The following TBC1D22B variants were observed in gnomAD, a reference collection of about 807,000 sequenced individuals.
TBC1D22B encodes the protein chromosome 6 open reading frame 197.
TBC1D22B carries 32 observed loss-of-function variants against 69.1 expected under a neutral mutation model. The observed-to-expected ratio is 0.46, with a 90% CI of 0.35 to 0.62. The LOEUF (loss-of-function observed/expected upper bound fraction) is 0.62, where lower values mean the gene tolerates loss of function less well. Among genes scored for constraint, TBC1D22B ranks in the 20% least tolerant of loss-of-function variants. The pLI, the probability that TBC1D22B is intolerant of heterozygous loss-of-function variation, is 0.00. For synonymous variants in TBC1D22B, 206 were observed against 229.8 expected (o/e 0.90, Z 0.94); for missense variants, 462 against 630.9 (o/e 0.73, Z 2.87).
intron 8 of TBC1D22B, among the ~76,000 whole-genome samples, chr6:37,305,562 G>T (rs1045503085): frequency 6.7e-6 from 1 of 149,144 alleles, no homozygotes; most frequent in Non-Finnish European, 1.5e-5. Context: ...CTGTCCCCCA[G>T]GCTGGAGTGC....
chr6:37,317,119 A>C lies in TBC1D22B; in HGVS notation c.1302A>C (p.Pro434=). ...ATTTTTCTGCTTCCCAGTCTGAACC[A>C]GAAGGGTTCTCCCACTTTCATCTCT... ...IRLWDTYQSE[P]EGFSHFHLYV... is the part of the protein sequence containing the mutation. The change falls in exon 12 of 13, where the codon CCA becomes CCC. Residue 434 remains proline (P), a synonymous_variant. Coordinates refer to ENST00000373491, the MANE Select transcript of TBC1D22B (RefSeq NM_017772.4). 1 of 1,569,684 alleles carries C rather than the reference A, an allele frequency of 6.4e-7. No individual in the cohort carries two copies. Among genetic ancestry groups the C allele is most frequent in the African/African-American group, 1.3e-5 (1 of 74,182 alleles).
chr6:37,328,712 A>G (rs1485329977), intron 12 of TBC1D22B, among the ~76,000 whole-genome samples: 1 of 151,974 alleles, frequency 6.6e-6, no homozygotes, highest in Non-Finnish European at 1.5e-5. Flanking sequence ...TGGGTAATTT[A>G]TTTTCTGTTT....
intron 8 of TBC1D22B, among the ~76,000 whole-genome samples, chr6:37,296,828 AT>A (rs1767396138): frequency 1.8e-5 from 1 of 54,858 alleles, no homozygotes; most frequent in South Asian, 8.4e-4. Context: ...ATATATTATA[AT>A]TTTTTGGTTT....
rs1157281305 is a variant in TBC1D22B, at chr6:37,320,386, C to T, written c.1389+3180C>T. On this transcript the variant is annotated intron_variant, in intron 12 of 12. Coordinates refer to ENST00000373491, the MANE Select transcript of TBC1D22B (RefSeq NM_017772.4). ...GGGCAATAGTACCTACCTCCTTGGG[C>T]TATGATGAGAATAAAGAAACAAATA... Among the ~76,000 whole-genome samples the T allele has an allele frequency of 3.3e-5, 5 of 152,170 alleles. No homozygotes were observed. In the East Asian group the frequency reaches 7.7e-4, roughly 24 times the overall value.
chr6:37,292,498 A>G (rs1162054706), intron 8 of TBC1D22B, among the ~76,000 whole-genome samples: 1 of 152,086 alleles, frequency 6.6e-6, no homozygotes, highest in Non-Finnish European at 1.5e-5. Flanking sequence ...GCCTTAATAG[A>G]TCAACTTTTG....
At chr6:37,316,866 G>C in intron 11 of TBC1D22B, 36 bp downstream of exon 11, 1 of 1,613,092 alleles carries the variant, frequency 6.2e-7, no homozygotes, top group Non-Finnish European at 8.5e-7. Flanking sequence ...GTGCCAGGCT[G>C]TCTCTGAGGT....
intron 2 of TBC1D22B, among the ~76,000 whole-genome samples, chr6:37,269,871 A>G (rs959504710): frequency 2.0e-5 from 3 of 152,146 alleles, no homozygotes; most frequent in African/African-American, 7.2e-5. Flanking sequence ...GGGAACTGGT[A>G]TATGTAGGGT....
Position 37,317,093 on chromosome 6 carries a change from T to C in TBC1D22B, c.1294-18T>C, listed in dbSNP as rs553271265. ...TTGTCAGGGCTGGGAGACCTAACTCTATTTTTCTGCTTCCCAGTCTGAACC... is the reference window on the plus strand; with the variant it reads ...TTGTCAGGGCTGGGAGACCTAACTCCATTTTTCTGCTTCCCAGTCTGAACC... On this transcript the variant is annotated intron_variant, in intron 11 of 12. Coordinates refer to ENST00000373491, the MANE Select transcript of TBC1D22B (RefSeq NM_017772.4). 1.6e-5 allele frequency: 25 copies of C among 1,557,338 alleles called. No individual in the cohort carries two copies. The highest frequency in any genetic ancestry group is 2.2e-5 in the Non-Finnish European group (25 of 1,149,080).
At chr6:37,315,732 C>T (rs143857860) in intron 10 of TBC1D22B, among the ~76,000 whole-genome samples, 11 of 152,132 alleles carry the variant, frequency 7.2e-5, no homozygotes, top group African/African-American at 1.7e-4. Context: ...CGCACCATGA[C>T]GCCTGGCCAA....
intron 5 of TBC1D22B, among the ~76,000 whole-genome samples, chr6:37,283,717 A>G (rs1452451193): frequency 2.0e-5 from 3 of 152,246 alleles, no homozygotes; most frequent in African/African-American, 7.2e-5. Context: ...AACAGAAAAT[A>G]TAAGAATGAG....
chr6:37,328,589 AG>A (rs1347187210), intron 12 of TBC1D22B, among the ~76,000 whole-genome samples: 5 of 152,272 alleles, frequency 3.3e-5, no homozygotes, highest in African/African-American at 9.6e-5. Context: ...AATGTTGCAT[AG>A]ATTCAAAATT....
intron 12 of TBC1D22B, among the ~76,000 whole-genome samples, chr6:37,326,350 C>G (rs899980854): frequency 3.7e-5 from 5 of 135,936 alleles, no homozygotes; most frequent in Admixed American, 2.5e-4. Flanking sequence ...TGCACTCCAG[C>G]CTGGTGACAG....
chr6:37,298,703 G>A (rs1307046109), intron 8 of TBC1D22B, among the ~76,000 whole-genome samples: 1 of 151,864 alleles, frequency 6.6e-6, no homozygotes, highest in Non-Finnish European at 1.5e-5. Context: ...CCGCCACCAC[G>A]CACAGCTAAT....
chr6:37,311,197 A>G (rs1315611106), intron 8 of TBC1D22B, among the ~76,000 whole-genome samples: 4 of 142,956 alleles, frequency 2.8e-5, no homozygotes, highest in African/African-American at 2.6e-5. Flanking sequence ...TTTTTTTTTT[A>G]GGTCATTCCT....
At chr6:37,285,595 C>A (rs1331170870) in intron 6 of TBC1D22B, among the ~76,000 whole-genome samples, 1 of 152,070 alleles carries the variant, frequency 6.6e-6, no homozygotes, top group African/African-American at 2.4e-5. Flanking sequence ...TGGGTTCCAG[C>A]GATTCTCCTG....
In TBC1D22B at chr6:37,282,198, G is replaced by A; in HGVS notation, c.435G>A (p.Leu145=). The A allele has an allele frequency of 3.7e-6, 6 of 1,614,140 alleles. 1 individual carries two copies. In the South Asian group the frequency reaches 5.5e-5, roughly 15 times the overall value. Reference sequence around the variant, plus strand: ...AAATGATCTCAGGTGATACATGCCTGAGGAACCCACTCCACAAACAGCAAT... The same window carrying A: ...AAATGATCTCAGGTGATACATGCCTAAGGAACCCACTCCACAAACAGCAAT... ...QLSRNSSDTC[L]RNPLHKQQSL... The change falls in exon 4 of 13, where the codon CTG becomes CTA. Residue 145 remains leucine, a synonymous_variant. Transcript: ENST00000373491.
intron 8 of TBC1D22B, among the ~76,000 whole-genome samples, chr6:37,296,424 A>G (rs1028801719): frequency 6.6e-6 from 1 of 152,202 alleles, no homozygotes; most frequent in Non-Finnish European, 1.5e-5. Flanking sequence ...ATCATGGCTC[A>G]TTGTAGCCTC....
At position 37,277,073 on chromosome 6, in the gene TBC1D22B, G is replaced by A. The variant is rs1405111840; in HGVS notation, c.114-2231G>A. On this transcript the variant is annotated intron_variant, in intron 2 of 12. Coordinates refer to ENST00000373491, the MANE Select transcript of TBC1D22B (RefSeq NM_017772.4). ...AGCCTGGCCCGTCTCTCCCTGTAGT[G>A]TGTTCATCCGGTCCTGGTGTGCGTG... Among the ~76,000 whole-genome samples the A allele has an allele frequency of 2.6e-5, 4 of 152,158 alleles. No individual in the cohort carries two copies. The South Asian group carries it at 6.2e-4, about 24-fold the overall frequency.
chr6:37,299,851 A>G (rs1767507638), intron 8 of TBC1D22B, among the ~76,000 whole-genome samples: 1 of 152,076 alleles, frequency 6.6e-6, no homozygotes, highest in Admixed American at 6.6e-5. Flanking sequence ...TCTACCAAAA[A>G]TACACAAATT....
Sources: gnomAD v4.1 joint callset for allele counts (sites outside exome capture counted in the v4.1 genomes callset) on GRCh38, gnomAD v4.1.1 for gene constraint, MANE v1.5 for transcripts, NCBI Gene and HGNC (gene_info 2026-07-23, HGNC 2026-07-21) for gene names.